The following NRG1 variants were observed in gnomAD, a reference collection of about 807,000 sequenced individuals.
The protein encoded by NRG1 is pro-neuregulin-1, membrane-bound isoform.
Under a neutral mutation model 63.8 loss-of-function variants are expected in NRG1, and 18 were observed. The observed-to-expected ratio is 0.28, with a 90% CI of 0.19 to 0.42. The LOEUF is 0.42. NRG1 is among the 10% of genes least tolerant of loss of function. NRG1 has a pLI of 1.00. For missense variants in NRG1, 762 were observed against 814.7 expected, an observed-to-expected ratio of 0.94 and a Z score of 0.79; for synonymous variants, 302 against 301.3, an observed-to-expected ratio of 1.00 and a Z score of -0.02.
chr8:32,455,789 C>T (rs1200522882), intron 1 of NRG1, among the ~76,000 whole-genome samples: 2 of 151,932 alleles, frequency 1.3e-5, no homozygotes, highest in East Asian at 3.9e-4. Context: ...ATAAGGAAAC[C>T]TATTTATTTA....
At chr8:31,677,321 T>C (rs1462494415) in intron 1 of NRG1, among the ~76,000 whole-genome samples, 2 of 151,328 alleles carry the variant, frequency 1.3e-5, no homozygotes, top group East Asian at 1.9e-4. Context: ...TTAAAAAATT[T>C]CAAGTGTTTT....
chr8:32,271,937 A>G (rs1851594179), intron 1 of NRG1, among the ~76,000 whole-genome samples: 1 of 152,196 alleles, frequency 6.6e-6, no homozygotes, highest in Non-Finnish European at 1.5e-5. Context: ...GTCCAGACAG[A>G]GGCCTTATTT....
intron 1 of NRG1, among the ~76,000 whole-genome samples, chr8:32,371,992 A>ATTTTTTT (rs60780562): frequency 0.013 from 1,659 of 129,278 alleles, 43 homozygotes; most frequent in African/African-American, 0.015. Context: ...CTTCTTCTTC[A>ATTTTTTT]TTTTTTTTTT....
intron 1 of NRG1, among the ~76,000 whole-genome samples, chr8:31,868,234 G>A (rs1231603420): frequency 1.3e-5 from 2 of 150,932 alleles, no homozygotes; most frequent in Admixed American, 6.6e-5. Flanking sequence ...CATGGTGGAA[G>A]ATCTGAGATT....
At chr8:32,304,896 C>T (rs1307429403) in intron 1 of NRG1, among the ~76,000 whole-genome samples, 2 of 152,212 alleles carry the variant, frequency 1.3e-5, no homozygotes, top group African/African-American at 4.8e-5. Context: ...GTAGCCCACA[C>T]CTGTAATCCT....
At chr8:31,661,075 C>A (rs1253560536) in intron 1 of NRG1, among the ~76,000 whole-genome samples, 1 of 152,102 alleles carries the variant, frequency 6.6e-6, no homozygotes, top group Non-Finnish European at 1.5e-5. Context: ...TTTAGTATTT[C>A]CCCAAACAGT....
intron 1 of NRG1, among the ~76,000 whole-genome samples, chr8:31,667,141 A>C (rs1490636089): frequency 6.6e-6 from 1 of 152,170 alleles, no homozygotes; most frequent in African/African-American, 2.4e-5. Flanking sequence ...CCAGTTGATG[A>C]TTGTTATTCT....
intron 1 of NRG1, among the ~76,000 whole-genome samples, chr8:32,298,880 A>G (rs1855240822): frequency 6.6e-6 from 1 of 151,538 alleles, no homozygotes; most frequent in Non-Finnish European, 1.5e-5. Context: ...CACAAAAATT[A>G]GCTGGGGATG....
At chr8:31,679,011 G>T (rs1585609535) in intron 1 of NRG1, among the ~76,000 whole-genome samples, 1 of 151,666 alleles carries the variant, frequency 6.6e-6, no homozygotes, top group African/African-American at 2.4e-5. Flanking sequence ...ATTTACATTT[G>T]TAAGTTAATC....
chr8:32,203,917 T>A (rs12677874), intron 1 of NRG1, among the ~76,000 whole-genome samples: 14,195 of 151,584 alleles, frequency 0.094, 795 homozygotes, highest in East Asian at 0.26. Context: ...CAGAGAAAAA[T>A]TCAAAGGAAA....
intron 1 of NRG1, among the ~76,000 whole-genome samples, chr8:32,042,214 G>A (rs1820170411): frequency 6.6e-6 from 1 of 152,090 alleles, no homozygotes; most frequent in South Asian, 2.1e-4. Context: ...GGAGGGCAAG[G>A]CAAGAGAATT....
At chr8:31,902,307 G>A (rs1832150830) in intron 1 of NRG1, among the ~76,000 whole-genome samples, 1 of 152,140 alleles carries the variant, frequency 6.6e-6, no homozygotes, top group African/African-American at 2.4e-5. Context: ...GCAAAACTTA[G>A]GAGGGTCTTT....
At chr8:31,714,735 C>G (rs1399045329) in intron 1 of NRG1, among the ~76,000 whole-genome samples, 1 of 152,096 alleles carries the variant, frequency 6.6e-6, no homozygotes. Context: ...GTACTATTCC[C>G]TCAAATTAAG....
intron 1 of NRG1, among the ~76,000 whole-genome samples, chr8:31,685,636 C>T (rs1480521046): frequency 1.3e-5 from 2 of 152,152 alleles, no homozygotes; most frequent in African/African-American, 4.8e-5. Context: ...AAAGAAACCC[C>T]ATGTTCATTA....
chr8:32,609,608 TTCCTTCCTTC>T (rs1845985418), intron 3 of NRG1, among the ~76,000 whole-genome samples: 2 of 131,124 alleles, frequency 1.5e-5, no homozygotes, highest in Non-Finnish European at 3.2e-5. Flanking sequence ...CCTTCCTTCC[TTCCTTCCTTC>T]CTTTCCCTCC....
chr8:32,062,694 G>C (rs1427348939), intron 1 of NRG1, among the ~76,000 whole-genome samples: 1 of 152,024 alleles, frequency 6.6e-6, no homozygotes, highest in Admixed American at 6.6e-5. Flanking sequence ...TTTTCTAAAT[G>C]ATTCCTTCAG....
intron 1 of NRG1, among the ~76,000 whole-genome samples, chr8:31,897,115 T>C (rs1222693234): frequency 6.6e-6 from 1 of 152,180 alleles, no homozygotes; most frequent in Non-Finnish European, 1.5e-5. Flanking sequence ...AGAGGAAAAC[T>C]ATGTAAACTG....
intron 5 of NRG1, among the ~76,000 whole-genome samples, chr8:32,652,089 A>AAC (rs1019708752): frequency 2.0e-5 from 3 of 152,164 alleles, no homozygotes; most frequent in Admixed American, 6.5e-5. Flanking sequence ...TGAGAATTTA[A>AAC]ACACACACAC....
At chr8:32,106,532 A>G (rs1249680343) in intron 1 of NRG1, among the ~76,000 whole-genome samples, 1 of 152,192 alleles carries the variant, frequency 6.6e-6, no homozygotes, top group Non-Finnish European at 1.5e-5. Flanking sequence ...TACAGTTGGA[A>G]TCAGTGCCTT....
Sources: allele counts gnomAD v4.1 joint callset (sites outside exome capture counted in the v4.1 genomes callset), GRCh38; gene constraint gnomAD v4.1.1; transcripts MANE v1.5; gene names NCBI Gene and HGNC (gene_info 2026-07-23, HGNC 2026-07-21).